ZFAND3: variants seen among roughly 807,000 people sequenced by gnomAD.
ZFAND3 encodes zinc finger AN1-type containing 3, also known as AN1-type zinc finger protein 3.
ZFAND3 carries 10 observed loss-of-function variants against 29.6 expected under a neutral mutation model. The ratio of observed to expected loss-of-function variants is 0.34; its 90% confidence interval spans 0.21 to 0.57. The LOEUF (loss-of-function observed/expected upper bound fraction) is 0.57. Among genes scored for constraint, ZFAND3 ranks in the 20% least tolerant of loss-of-function variants. The pLI is 0.86. For synonymous variants in ZFAND3, 128 were observed against 112.6 expected, an observed-to-expected ratio of 1.14 and a Z score of -0.87; for missense variants, 230 against 304.5, an observed-to-expected ratio of 0.76 and a Z score of 1.82.
intron 1 of ZFAND3, among the ~76,000 whole-genome samples, chr6:37,896,682 C>CTG (rs35744542): frequency 0.27 from 38,910 of 142,310 alleles, 6,409 homozygotes; most frequent in Non-Finnish European, 0.39. Flanking sequence ...GTGTGTGTGT[C>CTG]TGTGTGTGTG....
chr6:38,054,785 G>GC (rs1714342994), intron 2 of ZFAND3, among the ~76,000 whole-genome samples: 1 of 152,198 alleles, frequency 6.6e-6, no homozygotes, highest in African/African-American at 2.4e-5. Context: ...ATTGGTTCTT[G>GC]CTAACTCCTG....
chr6:38,104,055 C>G (rs1447678819), intron 4 of ZFAND3, among the ~76,000 whole-genome samples: 2 of 152,166 alleles, frequency 1.3e-5, no homozygotes, highest in Non-Finnish European at 1.5e-5. Flanking sequence ...TATGGAGAAG[C>G]TAAAACAAGG....
intron 5 of ZFAND3, among the ~76,000 whole-genome samples, chr6:38,120,407 C>T (rs984785629): frequency 6.6e-5 from 9 of 137,216 alleles, no homozygotes; most frequent in Non-Finnish European, 1.1e-4. Context: ...CTCACTGCAA[C>T]CTCTGCCTCC....
intron 2 of ZFAND3, among the ~76,000 whole-genome samples, chr6:38,055,242 C>T (rs748165651): frequency 2.4e-4 from 37 of 152,104 alleles, no homozygotes; most frequent in Non-Finnish European, 4.9e-4. Context: ...GTGTGAAATA[C>T]CAAACTAAAG....
chr6:38,066,091 C>T (rs1213549237), intron 3 of ZFAND3, among the ~76,000 whole-genome samples: 1 of 152,156 alleles, frequency 6.6e-6, no homozygotes, highest in African/African-American at 2.4e-5. Flanking sequence ...ATGTCATTTG[C>T]AAAGCTTTTT....
intron 2 of ZFAND3, among the ~76,000 whole-genome samples, chr6:38,024,992 ATTG>A (rs894948467): frequency 1.3e-5 from 2 of 152,186 alleles, no homozygotes; most frequent in African/African-American, 4.8e-5. Flanking sequence ...ATACATATGT[ATTG>A]TTCATTATTT....
At chr6:38,095,117 T>C (rs542960270) in intron 4 of ZFAND3, among the ~76,000 whole-genome samples, 20 of 152,362 alleles carry the variant, frequency 1.3e-4, no homozygotes, top group Admixed American at 7.2e-4. Context: ...ATTATGACTC[T>C]GTAAACGTTC....
intron 1 of ZFAND3, among the ~76,000 whole-genome samples, chr6:37,842,977 C>T (rs1260377858): frequency 6.6e-6 from 1 of 151,834 alleles, no homozygotes; most frequent in African/African-American, 2.4e-5. Flanking sequence ...CAAAAATTAG[C>T]CAGGCGTGGT....
At chr6:38,000,474 C>G (rs1427756938) in intron 2 of ZFAND3, among the ~76,000 whole-genome samples, 2 of 152,278 alleles carry the variant, frequency 1.3e-5, no homozygotes, top group Non-Finnish European at 2.9e-5. Context: ...GCCTCACAAT[C>G]ATGGCAGAAG....
intron 2 of ZFAND3, among the ~76,000 whole-genome samples, chr6:37,980,484 A>G (rs780330989): frequency 7.2e-5 from 11 of 152,266 alleles, no homozygotes; most frequent in Non-Finnish European, 1.3e-4. Context: ...TCTGAATTGT[A>G]TCACTTGATT....
intron 3 of ZFAND3, among the ~76,000 whole-genome samples, chr6:38,075,490 G>C (rs1201518692): frequency 6.6e-6 from 1 of 152,164 alleles, no homozygotes; most frequent in Non-Finnish European, 1.5e-5. Context: ...AAACTTTAAT[G>C]GATGAGGAGC....
chr6:37,970,243 G>A (rs1321015600), intron 2 of ZFAND3, among the ~76,000 whole-genome samples: 3 of 152,170 alleles, frequency 2.0e-5, no homozygotes, highest in Non-Finnish European at 4.4e-5. Context: ...GTATAGGTCA[G>A]GGATCAAAAA....
At chr6:37,918,461 C>T (rs1053401364) in intron 1 of ZFAND3, among the ~76,000 whole-genome samples, 5 of 152,134 alleles carry the variant, frequency 3.3e-5, no homozygotes, top group African/African-American at 9.7e-5. Flanking sequence ...CCTTGCTAGC[C>T]TGTTTAACCT....
chr6:37,850,707 A>G (rs1190004731), intron 1 of ZFAND3, among the ~76,000 whole-genome samples: 1 of 152,200 alleles, frequency 6.6e-6, no homozygotes, highest in Non-Finnish European at 1.5e-5. Context: ...TTGCACAACA[A>G]TGAAATTACC....
chr6:38,093,650 A>G (rs188449295), intron 4 of ZFAND3, among the ~76,000 whole-genome samples: 59 of 152,290 alleles, frequency 3.9e-4, no homozygotes, highest in African/African-American at 1.3e-3. Flanking sequence ...TGTGAGGACT[A>G]AGGAAAGCTA....
At position 37,891,609 on chromosome 6, in the gene ZFAND3, A is replaced by C. The variant is rs546093410; in HGVS notation, c.72-38350A>C. 3.2e-3 allele frequency among the ~76,000 whole-genome samples: 491 copies of C among 152,186 alleles called. 3 individuals carry two copies. Among genetic ancestry groups the C allele is most frequent in the African/African-American group, 0.011 (454 of 41,486 alleles). ...ATAAATAAATAATAAATAAATAAAT[A>C]AATCATAGAACAACTAGACAGAAGA... On this transcript the variant is annotated intron_variant, in intron 1 of 5. Transcript: ENST00000287218.
At chr6:37,864,860 C>T (rs56123378) in intron 1 of ZFAND3, among the ~76,000 whole-genome samples, 3 of 152,150 alleles carry the variant, frequency 2.0e-5, no homozygotes, top group South Asian at 4.1e-4. Context: ...ATACCAAATC[C>T]GAGGATGCTC....
intron 1 of ZFAND3, among the ~76,000 whole-genome samples, chr6:37,920,856 C>G (rs879909585): frequency 2.6e-5 from 4 of 152,068 alleles, no homozygotes; most frequent in Admixed American, 2.6e-4. Context: ...TTGAACTGGT[C>G]TTTTTCGTGT....
chr6:37,991,862 T>C (rs1762764757), intron 2 of ZFAND3, among the ~76,000 whole-genome samples: 1 of 152,230 alleles, frequency 6.6e-6, no homozygotes, highest in African/African-American at 2.4e-5. Flanking sequence ...AGCTACTCAA[T>C]GAAATCCTAC....
Sources: allele counts gnomAD v4.1 joint callset (sites outside exome capture counted in the v4.1 genomes callset), GRCh38; gene constraint gnomAD v4.1.1; transcripts MANE v1.5; gene names NCBI Gene and HGNC (gene_info 2026-07-23, HGNC 2026-07-21).